Variants in NCAM2 observed in about 807,000 individuals in gnomAD.
NCAM2 encodes N-CAM-2.
A neutral mutation model predicts 98.1 loss-of-function variants in NCAM2; 30 were observed. The ratio of observed to expected loss-of-function variants is 0.31; its 90% CI spans 0.23 to 0.41. The LOEUF is 0.41. Ranked by LOEUF, NCAM2 falls within the 10% of genes least tolerant of loss-of-function variation. The pLI is 1.00. For synonymous variants in NCAM2, 368 were observed against 342.4 expected (o/e 1.07, Z -0.83); for missense variants, 867 against 1,005.8 (o/e 0.86, Z 1.87).
At chr21:21,370,961 A>C (rs971586431) in intron 8 of NCAM2, among the ~76,000 whole-genome samples, 1 of 151,876 alleles carries the variant, frequency 6.6e-6, no homozygotes, top group Non-Finnish European at 1.5e-5. Flanking sequence ...GAAAAGAGAA[A>C]GACAGGAGGA....
intron 15 of NCAM2, among the ~76,000 whole-genome samples, chr21:21,495,689 T>C (rs1987176489): frequency 6.6e-6 from 1 of 152,036 alleles, no homozygotes; most frequent in Non-Finnish European, 1.5e-5. Context: ...TCCATGTATG[T>C]TTTCTAATGT....
Position 21,530,093 on chromosome 21 carries a change from ATT to A in NCAM2, c.2283-4442_2283-4441del, listed in dbSNP as rs1332284667. Among the ~76,000 whole-genome samples the A allele has an allele frequency of 1.3e-3, 179 of 137,170 alleles. 8 individuals carry two copies. The highest frequency in any genetic ancestry group is 8.1e-3 in the Middle Eastern group (2 of 246). The allele number at this position is 137,170 out of a possible 152,430, so 90.0% of individuals were successfully genotyped here. A position where few individuals can be genotyped will look rare whatever the true frequency, so the allele number is the denominator to read the frequency against. ...AAATAAAATTATATAATTTAATTTA[ATT>A]TAATTATATATAATTTAATTTAATT... is the stretch of plus-strand genomic sequence containing the variant. On this transcript the variant is annotated intron_variant, in intron 16 of 17. Transcript: ENST00000400546.
intron 1 of NCAM2, among the ~76,000 whole-genome samples, chr21:21,225,573 G>A (rs534850813): frequency 2.0e-5 from 3 of 151,500 alleles, no homozygotes; most frequent in South Asian, 2.1e-4. Context: ...TTATTACAGG[G>A]GTCAGAATAT....
intron 12 of NCAM2, among the ~76,000 whole-genome samples, chr21:21,463,089 G>A (rs1983205518): frequency 6.6e-6 from 1 of 152,048 alleles, no homozygotes; most frequent in South Asian, 2.1e-4. Flanking sequence ...ATAATTTGAG[G>A]TACAACTCTA....
chr21:21,435,031 T>C (rs8131472), intron 12 of NCAM2, among the ~76,000 whole-genome samples: 6,164 of 131,136 alleles, frequency 0.047, 227 homozygotes, highest in East Asian at 0.18. Context: ...TTTTTGGAGA[T>C]AGAATATTCC....
At chr21:21,115,811 G>C (rs1170077464) in intron 1 of NCAM2, among the ~76,000 whole-genome samples, 1 of 152,086 alleles carries the variant, frequency 6.6e-6, no homozygotes, top group Non-Finnish European at 1.5e-5. Context: ...TTGTGCGTGT[G>C]TCTGTGTGTA....
At chr21:21,418,997 TACA>T (rs374121591) in intron 11 of NCAM2, among the ~76,000 whole-genome samples, 51 of 152,278 alleles carry the variant, frequency 3.3e-4, no homozygotes, top group African/African-American at 1.1e-3. Context: ...TGTAAATATG[TACA>T]ACAATTTTGC....
chr21:21,000,405 T>C (rs8184921), intron 1 of NCAM2, among the ~76,000 whole-genome samples: 87,535 of 152,032 alleles, frequency 0.58, 25,851 homozygotes, highest in East Asian at 0.83. Context: ...TTTATCATTG[T>C]AGAGGCTAAG....
intron 1 of NCAM2, among the ~76,000 whole-genome samples, chr21:21,011,833 T>A (rs1202007840): frequency 6.6e-6 from 1 of 151,688 alleles, no homozygotes; most frequent in Non-Finnish European, 1.5e-5. Flanking sequence ...AACAACTGAG[T>A]AGATATCTTC....
chr21:21,423,541 A>T (rs1254544913), intron 11 of NCAM2, among the ~76,000 whole-genome samples: 1 of 152,202 alleles, frequency 6.6e-6, no homozygotes, highest in African/African-American at 2.4e-5. Flanking sequence ...TATTCTGAAC[A>T]TTATACTTCT....
At chr21:21,031,406 T>C (rs2064678997) in intron 1 of NCAM2, among the ~76,000 whole-genome samples, 1 of 152,178 alleles carries the variant, frequency 6.6e-6, no homozygotes, top group Non-Finnish European at 1.5e-5. Flanking sequence ...CACCTGCTAC[T>C]TGGTTCACTG....
chr21:21,442,397 A>C (rs1284296245), intron 12 of NCAM2, among the ~76,000 whole-genome samples: 2 of 152,186 alleles, frequency 1.3e-5, no homozygotes, highest in African/African-American at 4.8e-5. Flanking sequence ...CGAAATAAAG[A>C]AACTGAAGCT....
At chr21:21,020,998 T>A (rs1300666995) in intron 1 of NCAM2, among the ~76,000 whole-genome samples, 1 of 152,052 alleles carries the variant, frequency 6.6e-6, no homozygotes, top group African/African-American at 2.4e-5. Flanking sequence ...GTAGGGTTGG[T>A]AAGGTAGGTT....
In NCAM2 at chr21:21,230,726, G is replaced by A. The variant is rs144722065; in HGVS notation, c.56-49852G>A. 4.6e-5 allele frequency among the ~76,000 whole-genome samples: 7 copies of A among 151,454 alleles called. No individual in the cohort carries two copies. The East Asian group carries it at 1.4e-3, about 29-fold the overall frequency. ...GCCCTCCAAAATGTTCTCAGGTGAT[G>A]TTAGGACCAGAAAATGGGAAAACCA... On this transcript the variant is annotated intron_variant, in intron 1 of 17. Transcript: ENST00000400546.
intron 1 of NCAM2, among the ~76,000 whole-genome samples, chr21:21,050,116 A>T (rs1262641348): frequency 6.6e-6 from 1 of 150,986 alleles, no homozygotes; most frequent in Non-Finnish European, 1.5e-5. Context: ...TTTTCATTTC[A>T]CATTAAGCAC....
At chr21:21,485,654 C>T (rs1986285502) in intron 15 of NCAM2, among the ~76,000 whole-genome samples, 1 of 152,134 alleles carries the variant, frequency 6.6e-6, no homozygotes, top group African/African-American at 2.4e-5. Context: ...TTTTCACTTG[C>T]AACCACATCT....
chr21:21,165,191 C>A (rs2146805304), intron 1 of NCAM2, among the ~76,000 whole-genome samples: 1 of 152,276 alleles, frequency 6.6e-6, no homozygotes, highest in Admixed American at 6.5e-5. Context: ...ACATACATTT[C>A]TTAGTGTCTC....
At chr21:21,536,829 C>T (rs1380536608) in intron 17 of NCAM2, among the ~76,000 whole-genome samples, 1 of 152,160 alleles carries the variant, frequency 6.6e-6, no homozygotes, top group Non-Finnish European at 1.5e-5. Context: ...AAGCACAATT[C>T]ATTGGCATCG....
intron 1 of NCAM2, among the ~76,000 whole-genome samples, chr21:21,233,408 T>C (rs188927971): frequency 3.4e-4 from 51 of 151,828 alleles, no homozygotes; most frequent in Admixed American, 3.0e-3. Flanking sequence ...TTCATTTTTT[T>C]ATTTTAATAG....
Sources: gnomAD v4.1 joint callset for allele counts (sites outside exome capture counted in the v4.1 genomes callset) on GRCh38, gnomAD v4.1.1 for gene constraint, MANE v1.5 for transcripts, NCBI Gene and HGNC (gene_info 2026-07-23, HGNC 2026-07-21) for gene names.